Variants in BCKDHA observed in about 807,000 individuals in gnomAD.
The protein encoded by BCKDHA is branched chain keto acid dehydrogenase E1 subunit alpha, also known as 2-oxoisovalerate dehydrogenase subunit alpha, mitochondrial.
Under a neutral mutation model 52.2 loss-of-function variants are expected in BCKDHA, and 43 were observed. The ratio of observed to expected loss-of-function variants is 0.82; its 90% CI spans 0.64 to 1.06. The LOEUF is 1.06. BCKDHA is among the 50% of genes least tolerant of loss of function. The pLI, the probability that BCKDHA is intolerant of heterozygous loss-of-function variation, is 0.00. For synonymous variants in BCKDHA, 234 were observed against 247.9 expected (o/e 0.94, Z 0.53); for missense variants, 527 against 621.3 (o/e 0.85, Z 1.61).
intron 1 of BCKDHA, chr19:41,399,642 TTCTC>T (rs901354728): frequency 6.6e-6 from 1 of 151,788 alleles, no homozygotes; most frequent in Admixed American, 6.6e-5. Flanking sequence ...CACCTGTTCT[TTCTC>T]TCTTCTTCTT....
At position 41,423,114 on chromosome 19, in the gene BCKDHA, A is replaced by G; in HGVS notation, c.1112A>G (p.Gln371Arg). 1 of 1,564,372 alleles carries G rather than the reference A, an allele frequency of 6.4e-7. No individual in the cohort carries two copies. The highest frequency in any genetic ancestry group is 8.7e-7 in the Non-Finnish European group (1 of 1,154,158). Residue 371 changes from glutamine (Q) to arginine (R), a missense_variant, in exon 8 of 9, where the codon CAA becomes CGA. By Grantham distance (43) the Gln-to-Arg change is conservative. Transcript: ENST00000269980. ...CGGCTGCGGCACTATCTGCTGAGCC[A>G]AGGCTGGTGGGATGAGGAGCAGGAG... is the stretch of plus-strand genomic sequence containing the variant. ...ISRLRHYLLS[Q>R]GWWDEEQEKA...
chr19:41,424,411 C>A (rs2039404598), intron 8 of BCKDHA, 27 bp from the exon 9 acceptor site: 10 of 1,613,184 alleles, frequency 6.2e-6, no homozygotes, highest in African/African-American at 1.3e-5. Context: ...GGCCGGCTAG[C>A]CTGCCCACTG....
chr19:41,420,553 C>T (rs138692640), intron 5 of BCKDHA, among the ~76,000 whole-genome samples: 131 of 150,832 alleles, frequency 8.7e-4, no homozygotes, highest in South Asian at 2.9e-3. Context: ...GAGCTGAGAT[C>T]GTGCCATTGC....
chr19:41,411,685 T>C lies in BCKDHA; in HGVS notation c.375+676T>C, dbSNP rs180783304. ...AGACTGAGAAATGTATTAATAATAC[T>C]TTAGTCCCGGCAGTTGCTGCCTGCG... is the stretch of plus-strand genomic sequence containing the variant. On this transcript the variant is annotated intron_variant, in intron 3 of 8. Coordinates refer to ENST00000269980, the MANE Select transcript of BCKDHA (RefSeq NM_000709.4). Among the ~76,000 whole-genome samples the C allele has an allele frequency of 2.6e-5, 4 of 152,214 alleles. No individual in the cohort carries two copies. The East Asian group carries it at 7.7e-4, about 29-fold the overall frequency.
At chr19:41,420,844 C>G (rs1193736575) in intron 5 of BCKDHA, among the ~76,000 whole-genome samples, 1 of 152,202 alleles carries the variant, frequency 6.6e-6, no homozygotes, top group African/African-American at 2.4e-5. Context: ...CAGGCCTGCA[C>G]CCTCATAGTG....
At chr19:41,410,335 T>C (rs940024371) in intron 1 of BCKDHA, among the ~76,000 whole-genome samples, 1 of 152,224 alleles carries the variant, frequency 6.6e-6, no homozygotes, top group Non-Finnish European at 1.5e-5. Context: ...CTACCAGTTA[T>C]TGACTTGCCA....
chr19:41,422,448 C>T (rs754310252), intron 6 of BCKDHA, 78 bp downstream of exon 6: 138 of 1,587,064 alleles, frequency 8.7e-5, no homozygotes, highest in Non-Finnish European at 1.2e-4. Context: ...TTCCTGCCAC[C>T]CCTACCCTCC....
chr19:41,407,222 A>T (rs1404986013), intron 1 of BCKDHA, among the ~76,000 whole-genome samples: 2 of 152,186 alleles, frequency 1.3e-5, no homozygotes, highest in Non-Finnish European at 2.9e-5. Context: ...GAGTTAACTT[A>T]GCAACTTTTC....
intron 4 of BCKDHA, among the ~76,000 whole-genome samples, chr19:41,416,917 C>CT (rs1212466033): frequency 6.6e-6 from 1 of 152,132 alleles, no homozygotes; most frequent in East Asian, 1.9e-4. Context: ...GATCCTGTCT[C>CT]TGAGACCAAC....
At chr19:41,406,719 A>G (rs2039197253) in intron 1 of BCKDHA, among the ~76,000 whole-genome samples, 1 of 151,746 alleles carries the variant, frequency 6.6e-6, no homozygotes, top group African/African-American at 2.4e-5. Flanking sequence ...ACAGGCACCT[A>G]CCATCATGCA....
intron 5 of BCKDHA, among the ~76,000 whole-genome samples, chr19:41,421,894 G>A (rs2039369885): frequency 6.6e-6 from 1 of 152,124 alleles, no homozygotes. Context: ...AGGTGGAGTA[G>A]ATGTGGAGAA....
Position 41,424,755 on chromosome 19 carries a change from T to C in BCKDHA, c.*147T>C, listed in dbSNP as rs1460458247. 6.0e-6 allele frequency: 5 copies of C among 833,094 alleles called. No individual in the cohort carries two copies. Among genetic ancestry groups the C allele is most frequent in the African/African-American group, 1.7e-5 (1 of 58,026 alleles). 51.6% of individuals were successfully genotyped at this position (833,094 alleles called of 1,614,324 possible). On this transcript the variant is annotated 3_prime_UTR_variant, in exon 9 of 9. Transcript: ENST00000269980. The stretch of plus-strand genomic sequence containing the variant: ...CAGCGGCCAGGGCGGCTGCCACTCT[T>C]CACCCCTGCTCCTCCCGGCTGTTAC...
intron 1 of BCKDHA, among the ~76,000 whole-genome samples, chr19:41,409,809 T>A (rs952779480): frequency 6.8e-6 from 1 of 147,412 alleles, no homozygotes; most frequent in African/African-American, 2.5e-5. Flanking sequence ...TTTTTTTTTT[T>A]TTTTTTTTTT....
At chr19:41,411,886 C>T (rs1268982782) in intron 3 of BCKDHA, among the ~76,000 whole-genome samples, 1 of 152,196 alleles carries the variant, frequency 6.6e-6, no homozygotes, top group Non-Finnish European at 1.5e-5. Context: ...ACTCACTTGG[C>T]ACTGGAATGT....
intron 3 of BCKDHA, among the ~76,000 whole-genome samples, chr19:41,413,339 G>A (rs2039276523): frequency 7.0e-6 from 1 of 142,438 alleles, no homozygotes; most frequent in Non-Finnish European, 1.5e-5. Context: ...GTCTTTTTGA[G>A]GCTCAGGTTA....
chr19:41,420,754 G>C (rs1430401233), intron 5 of BCKDHA, among the ~76,000 whole-genome samples: 1 of 152,210 alleles, frequency 6.6e-6, no homozygotes, highest in African/African-American at 2.4e-5. Flanking sequence ...AGTCAAGTAA[G>C]CTTCCCCAAA....
intron 4 of BCKDHA, among the ~76,000 whole-genome samples, chr19:41,415,793 C>T (rs1485031725): frequency 2.6e-5 from 4 of 150,976 alleles, no homozygotes; most frequent in Admixed American, 1.3e-4. Flanking sequence ...GGACTACAGG[C>T]GCCCACCACC....
At position 41,424,543 on chromosome 19, in the gene BCKDHA, G is replaced by A; in HGVS notation, c.1273G>A (p.Glu425Lys). 2 of 1,614,148 alleles carry A rather than the reference G, an allele frequency of 1.2e-6. No individual in the cohort carries two copies. Among genetic ancestry groups the A allele is most frequent in the Non-Finnish European group, 1.7e-6 (2 of 1,180,008 alleles). The change falls in exon 9 of 9, where the codon GAG (glutamate) becomes AAG (lysine). Residue 425 changes from glutamate to lysine, a missense_variant. By Grantham distance (56) the Glu-to-Lys change is moderately conservative. Transcript: ENST00000269980. ...EMPAQLRKQQ[E>K]SLARHLQTYG... ...GCCCGCCCAGCTCCGCAAGCAGCAGGAGTCTCTGGCCCGCCACCTGCAGAC... is the reference window on the plus strand; with the variant it reads ...GCCCGCCCAGCTCCGCAAGCAGCAGAAGTCTCTGGCCCGCCACCTGCAGAC...
intron 7 of BCKDHA, 21 bp from the exon 8 acceptor site, chr19:41,422,977 G>T: frequency 6.2e-7 from 1 of 1,605,414 alleles, no homozygotes; most frequent in Non-Finnish European, 8.5e-7. Flanking sequence ...CACTGACCTG[G>T]GGCCCCTTGC....
Sources: gnomAD v4.1 joint callset for allele counts (sites outside exome capture counted in the v4.1 genomes callset) on GRCh38, gnomAD v4.1.1 for gene constraint, MANE v1.5 for transcripts, NCBI Gene and HGNC (gene_info 2026-07-23, HGNC 2026-07-21) for gene names.